Variants in IFT172 observed in about 807,000 individuals in gnomAD.
IFT172 encodes intraflagellar transport protein 172 homolog.
Under a neutral mutation model 248.9 loss-of-function variants are expected in IFT172, and 164 were observed. That is an observed-to-expected ratio of 0.66 (90% CI 0.58 to 0.75). The LOEUF (loss-of-function observed/expected upper bound fraction) is 0.75, where lower values mean the gene tolerates loss of function less well. IFT172 is among the 30% of genes least tolerant of loss of function. The pLI is 0.00. For missense variants in IFT172, 1,950 were observed against 2,192.4 expected, an observed-to-expected ratio of 0.89 and a Z score of 2.21; for synonymous variants, 729 against 791.6, an observed-to-expected ratio of 0.92 and a Z score of 1.33.
Position 27,445,568 on chromosome 2 carries a change from A to G in IFT172, c.4915-119T>C. 7.5e-7 allele frequency: 1 copy of G among 1,333,354 alleles called. No individual in the cohort carries two copies. Among genetic ancestry groups the G allele is most frequent in the Non-Finnish European group, 1.0e-6 (1 of 976,274 alleles). 82.6% of individuals were successfully genotyped at this position (1,333,354 alleles called of 1,614,324 possible). On this transcript the variant is annotated intron_variant, in intron 45 of 47. Transcript: ENST00000260570. The surrounding 1 kb of genome is among the most constrained non-coding windows in gnomAD (Gnocchi z 4.4). ...TCCTGTATACCAGCTTTTAGCCACG[A>G]ATCCTCCTTGGATTGGGGGATGCAG...
In IFT172 at chr2:27,484,945, C is replaced by T. The variant is rs1668648237; in HGVS notation, c.296+73G>A. The T allele has an allele frequency of 3.4e-6, 3 of 875,722 alleles. No individual in the cohort carries two copies. The African/African-American group carries it at 5.0e-5, about 15-fold the overall frequency. The allele number at this position is 875,722 out of a possible 1,614,324, so 54.2% of individuals were successfully genotyped here. On this transcript the variant is annotated intron_variant, in intron 3 of 47. Coordinates refer to ENST00000260570, the MANE Select transcript of IFT172 (RefSeq NM_015662.3). ...TGGCTTCTCATCCCCTGTATTTCCC[C>T]TCCCCAGTGAGGCATTTCTCTTGCC...
intron 1 of IFT172, among the ~76,000 whole-genome samples, chr2:27,486,544 T>C (rs1343275209): frequency 1.3e-5 from 2 of 152,234 alleles, no homozygotes; most frequent in Admixed American, 6.5e-5. Context: ...GCTTCAAACA[T>C]TGACACTTTA....
At chr2:27,458,642 A>T (rs1244544823) in intron 26 of IFT172, 137 bp downstream of exon 26, 4 of 912,146 alleles carry the variant, frequency 4.4e-6, no homozygotes, top group Non-Finnish European at 6.6e-6. Flanking sequence ...CTAGGGATCA[A>T]AGTGGCTCAG....
intron 10 of IFT172, 23 bp from the exon 11 acceptor site, chr2:27,478,179 C>T: frequency 6.2e-7 from 1 of 1,613,334 alleles, no homozygotes. Context: ...CAAGTGTGAG[C>T]CCCTTAGGCT....
Position 27,489,701 on chromosome 2 carries a change from G to A in IFT172, c.-48C>T, listed in dbSNP as rs761447649. On this transcript the variant is annotated 5_prime_UTR_variant, in exon 1 of 48. Transcript: ENST00000260570. The stretch of plus-strand genomic sequence containing the variant: ...GCTCCTAGACAGCGACAACTCCCGT[G>A]GTTACCTGGACAACCCGCCACGCAG... The A allele has an allele frequency of 1.4e-4, 209 of 1,512,742 alleles. No individual in the cohort carries two copies. Among genetic ancestry groups the A allele is most frequent in the Non-Finnish European group, 1.8e-4 (197 of 1,096,506 alleles). The allele number at this position is 1,512,742 out of a possible 1,614,324, so 93.7% of individuals were successfully genotyped here. A position where few individuals can be genotyped will look rare whatever the true frequency, so the allele number is the denominator to read the frequency against.
chr2:27,471,269 C>CTTTTTT, intron 15 of IFT172, 174 bp from the exon 16 acceptor site: 1 of 565,240 alleles, frequency 1.8e-6, no homozygotes, highest in Non-Finnish European at 3.0e-6. Flanking sequence ...TAACTCTGGT[C>CTTTTTT]AAGTAAGAGA....
In IFT172 at chr2:27,453,619, T is replaced by A. The variant is rs780995752; in HGVS notation, c.3821+11A>T. 3 of 1,610,040 alleles carry A rather than the reference T, an allele frequency of 1.9e-6. No individual in the cohort carries two copies. In the East Asian group the frequency reaches 6.7e-5, roughly 36 times the overall value. On this transcript the variant is annotated intron_variant, in intron 34 of 47. Transcript: ENST00000260570. ...GCCCTGCCAATGCTGCCTGGACCTC[T>A]GGCCTCATACCTGGCCCCCTTCTTA... is the stretch of plus-strand genomic sequence containing the variant.
rs1348832731 is a variant in IFT172 at position 27,454,248 on chromosome 2, T to G, written c.3531-86A>C. 5.0e-6 allele frequency: 8 copies of G among 1,599,250 alleles called. No homozygotes were observed. In the East Asian group the frequency reaches 1.6e-4, roughly 31 times the overall value. On this transcript the variant is annotated intron_variant, in intron 32 of 47. Coordinates refer to ENST00000260570, the MANE Select transcript of IFT172 (RefSeq NM_015662.3). This position sits in a 1 kb window ranked among gnomAD's most constrained non-coding sequence, Gnocchi z 4.2. ...GACAAACAGCCATGTCACTGAGGGG[T>G]GTAACACTGATTTGTTCTAGGTTTG...
At chr2:27,481,327 A>G in intron 7 of IFT172, 67 bp from the exon 8 acceptor site, 3 of 1,152,716 alleles carry the variant, frequency 2.6e-6, no homozygotes, top group Non-Finnish European at 3.8e-6. Flanking sequence ...CTCACTCTCA[A>G]CACCTGGTAC....
intron 6 of IFT172, 78 bp downstream of exon 6, chr2:27,483,502 T>C (rs559397206): frequency 9.1e-5 from 137 of 1,504,602 alleles, no homozygotes; most frequent in Non-Finnish European, 1.1e-4. Context: ...TTTCATACTA[T>C]GGTCTTGCAG....
rs1201105123 is a variant in IFT172, at chr2:27,444,524, G to A, written c.5161-3C>T. 3 of 1,612,154 alleles carry A rather than the reference G, an allele frequency of 1.9e-6. No homozygotes were observed. The highest frequency in any genetic ancestry group is 2.5e-6 in the Non-Finnish European group (3 of 1,178,712). ...TGGCACACTGGGCTGTGGGAGGTCT[G>A]TGAGCAAATGGAAGAACATGAGAGG... On this transcript the variant is annotated splice_region_variant and splice_polypyrimidine_tract_variant and intron_variant, in intron 47 of 47. Coordinates refer to ENST00000260570, the MANE Select transcript of IFT172 (RefSeq NM_015662.3).
In IFT172 at chr2:27,461,107, C is replaced by A. The variant is rs1261651716; in HGVS notation, c.2443-14G>T. The A allele has an allele frequency of 6.2e-7, 1 of 1,614,114 alleles. No homozygotes were observed. Among genetic ancestry groups the A allele is most frequent in the African/African-American group, 1.3e-5 (1 of 75,000 alleles). ...GAGATCACCTGCCTGTTAACACATA[C>A]CACATTACTATGATACCCCTACAAC... On this transcript the variant is annotated splice_polypyrimidine_tract_variant and intron_variant, in intron 22 of 47. Transcript: ENST00000260570.
intron 35 of IFT172, among the ~76,000 whole-genome samples, chr2:27,451,979 ATG>A (rs931015943): frequency 8.6e-6 from 1 of 116,540 alleles, no homozygotes; most frequent in Admixed American, 8.7e-5. Flanking sequence ...ATATATATGT[ATG>A]TGTGTGTGTA....
intron 14 of IFT172, among the ~76,000 whole-genome samples, chr2:27,474,575 G>T (rs1294332831): frequency 1.3e-5 from 2 of 152,110 alleles, no homozygotes; most frequent in Non-Finnish European, 2.9e-5. Context: ...GTTGGAGACG[G>T]AGTTTCACTC....
At position 27,454,464 on chromosome 2, in the gene IFT172, C is replaced by A. The variant is rs1195408584; in HGVS notation, c.3466-46G>T. The A allele has an allele frequency of 6.2e-7, 1 of 1,613,628 alleles. No homozygotes were observed. The highest frequency in any genetic ancestry group is 1.3e-5 in the African/African-American group (1 of 74,876). ...CCGTGCATGATGAGAAGGAGACTGG[C>A]ATCACAGGCAGGCATGAGACTGGGG... On this transcript the variant is annotated intron_variant, in intron 31 of 47. Transcript: ENST00000260570. The surrounding 1 kb of genome is among the most constrained non-coding windows in gnomAD (Gnocchi z 4.2).
chr2:27,487,856 T>C (rs959958180), intron 1 of IFT172, among the ~76,000 whole-genome samples: 1 of 151,862 alleles, frequency 6.6e-6, no homozygotes, highest in African/African-American at 2.4e-5. Context: ...AAGAGCTTGG[T>C]TTACAGGCAT....
At chr2:27,456,943 G>A (rs1364775693) in intron 29 of IFT172, among the ~76,000 whole-genome samples, 1 of 152,172 alleles carries the variant, frequency 6.6e-6, no homozygotes, top group Non-Finnish European at 1.5e-5. Context: ...TACTCGGGAG[G>A]CTGAGGCAGA....
At position 27,479,510 on chromosome 2, in the gene IFT172, T is replaced by C; in HGVS notation, c.1004A>G (p.Gln335Arg). ...KFELTYVGPSQVIVKNLSSGT... is the reference protein window; with the variant it reads ...KFELTYVGPSRVIVKNLSSGT... ...GCAGTAGGCTACCATCCTGCTTACC[T>C]GGCTAGGTCCCACATACGTCAACTC... is the stretch of plus-strand genomic sequence containing the variant. The change falls in exon 10 of 48, where the codon CAG becomes CGG. Residue 335 changes from glutamine (Q) to arginine (R), a missense_variant and splice_region_variant. Gln to Arg is a conservative substitution (Grantham distance 43). Coordinates refer to ENST00000260570, the MANE Select transcript of IFT172 (RefSeq NM_015662.3). 6.3e-7 allele frequency: 1 copy of C among 1,587,662 alleles called. No homozygotes were observed. Among genetic ancestry groups the C allele is most frequent in the Non-Finnish European group, 8.7e-7 (1 of 1,155,908 alleles).
At chr2:27,453,905 C>T in intron 33 of IFT172, 77 bp downstream of exon 33, 1 of 1,474,046 alleles carries the variant, frequency 6.8e-7, no homozygotes, top group Non-Finnish European at 9.3e-7. Context: ...TTTCTTCATA[C>T]CAGGGGTCAG....
Sources: allele counts gnomAD v4.1 joint callset (sites outside exome capture counted in the v4.1 genomes callset), GRCh38; gene constraint gnomAD v4.1.1; non-coding constraint Gnocchi (gnomAD v3.1); transcripts MANE v1.5; gene names NCBI Gene and HGNC (gene_info 2026-07-23, HGNC 2026-07-21).